MIOS: variants seen among roughly 807,000 people sequenced by gnomAD.
MIOS encodes meiosis regulator for oocyte development, also known as GATOR2 complex protein MIOS.
A neutral mutation model predicts 96.9 loss-of-function variants in MIOS; 52 were observed. That is an observed-to-expected ratio of 0.54 (90% CI 0.43 to 0.68). MIOS has a LOEUF of 0.68. Among genes scored for constraint, MIOS ranks in the 30% least tolerant of loss-of-function variants. MIOS has a pLI of 0.00. For synonymous variants in MIOS, 397 were observed against 359.5 expected (o/e 1.10, Z -1.18); for missense variants, 1,005 against 1,052.8 (o/e 0.95, Z 0.63).
intron 5 of MIOS, among the ~76,000 whole-genome samples, chr7:7,575,629 G>T (rs540772254): frequency 6.6e-6 from 1 of 152,230 alleles, no homozygotes; most frequent in South Asian, 2.1e-4. Flanking sequence ...CTATATAGTA[G>T]ATCAGGCCAC....
intron 9 of MIOS, among the ~76,000 whole-genome samples, chr7:7,593,621 C>T (rs991904189): frequency 6.6e-6 from 1 of 151,928 alleles, no homozygotes; most frequent in Admixed American, 6.6e-5. Flanking sequence ...CGGCCGGGCA[C>T]GGTGACTCAT....
At chr7:7,602,036 AAACT>A (rs1182346220) in intron 11 of MIOS, among the ~76,000 whole-genome samples, 1 of 152,244 alleles carries the variant, frequency 6.6e-6, no homozygotes, top group Non-Finnish European at 1.5e-5. Flanking sequence ...TTCATGCTAA[AAACT>A]CTCAATAAAT....
rs761079245 is a variant in MIOS, at chr7:7,594,972, C to T, written c.2044-8C>T. ...AAACAATTGAAATAATTCATGTTTT[C>T]GTTTTAGGGTTCACCTTTAGATGTT... On this transcript the variant is annotated splice_polypyrimidine_tract_variant and splice_region_variant and intron_variant, in intron 9 of 12. Transcript: ENST00000340080. 2.0e-5 allele frequency: 31 copies of T among 1,574,704 alleles called. No homozygotes were observed. Among genetic ancestry groups the T allele is most frequent in the Middle Eastern group, 1.7e-4 (1 of 5,834 alleles).
intron 8 of MIOS, 41 bp downstream of exon 8, chr7:7,588,604 G>T: frequency 3.9e-6 from 5 of 1,298,288 alleles, no homozygotes; most frequent in Non-Finnish European, 5.4e-6. Flanking sequence ...TAATTAATAT[G>T]TACTGTCACA....
intron 10 of MIOS, 24 bp downstream of exon 10, chr7:7,595,156 A>G: frequency 6.3e-7 from 1 of 1,593,340 alleles, no homozygotes; most frequent in Non-Finnish European, 8.5e-7. Context: ...TTTGGAGAAA[A>G]TCAAATTGTA....
At position 7,608,912 on chromosome 7, in the gene MIOS, A is replaced by G. The variant is rs184343634; in HGVS notation, c.*1820A>G. On this transcript the variant is annotated 3_prime_UTR_variant, in exon 13 of 13. Coordinates refer to ENST00000340080, the MANE Select transcript of MIOS (RefSeq NM_019005.4). ...TTGTATGTATGTGTCAACCTCTTAA[A>G]TGTTTTCTGTGAAGCCCAAACATGC... 7 of 152,194 alleles carry G rather than the reference A, an allele frequency of 4.6e-5. No individual in the cohort carries two copies. The highest frequency in any genetic ancestry group is 3.3e-4 in the Admixed American group (5 of 15,264). 9.4% of individuals were successfully genotyped at this position (152,194 alleles called of 1,614,324 possible). A position where few individuals can be genotyped will look rare whatever the true frequency, so the allele number is the denominator to read the frequency against.
chr7:7,598,838 T>C (rs2115480070), intron 11 of MIOS, among the ~76,000 whole-genome samples: 1 of 152,338 alleles, frequency 6.6e-6, no homozygotes, highest in East Asian at 1.9e-4. Context: ...TTCTTTGTTA[T>C]GATGACTAAT....
chr7:7,606,202 TAAC>T, intron 12 of MIOS, 131 bp downstream of exon 12: 1 of 1,200,126 alleles, frequency 8.3e-7, no homozygotes, highest in East Asian at 2.4e-5. Context: ...TCACTCATGT[TAAC>T]AAAGGTGGTG....
At chr7:7,593,090 T>C (rs1784095855) in intron 9 of MIOS, among the ~76,000 whole-genome samples, 2 of 152,354 alleles carry the variant, frequency 1.3e-5, no homozygotes, top group Admixed American at 6.5e-5. Flanking sequence ...TTGACCAAAT[T>C]CTTACTTAGT....
intron 5 of MIOS, among the ~76,000 whole-genome samples, chr7:7,582,067 A>C (rs568914560): frequency 3.0e-4 from 46 of 152,274 alleles, no homozygotes; most frequent in Non-Finnish European, 4.7e-4. Flanking sequence ...AGTTCTGCCT[A>C]CAACCAACAG....
chr7:7,597,506 ATATATATAT>A (rs1563041072), intron 11 of MIOS, among the ~76,000 whole-genome samples: 2,815 of 62,780 alleles, frequency 0.045, 531 homozygotes, highest in African/African-American at 0.085. Context: ...ATATATATAT[ATATATATAT>A]ATGAAGGCAA....
intron 5 of MIOS, among the ~76,000 whole-genome samples, chr7:7,578,564 T>C (rs1783611241): frequency 6.6e-6 from 1 of 152,106 alleles, no homozygotes; most frequent in African/African-American, 2.4e-5. Context: ...CTATGCAAAA[T>C]GACTTCAAGG....
intron 8 of MIOS, 50 bp downstream of exon 8, chr7:7,588,613 C>T: frequency 8.3e-7 from 1 of 1,200,576 alleles, no homozygotes. Context: ...TGTACTGTCA[C>T]AATTATGTAA....
chr7:7,574,262 G>C, intron 5 of MIOS, 66 bp downstream of exon 5: 2 of 1,184,634 alleles, frequency 1.7e-6, no homozygotes, highest in Non-Finnish European at 2.4e-6. Flanking sequence ...TTTGCCCCCT[G>C]TCATTTGGCA....
At chr7:7,589,201 T>G (rs908060190) in intron 8 of MIOS, among the ~76,000 whole-genome samples, 8 of 152,196 alleles carry the variant, frequency 5.3e-5, no homozygotes, top group Admixed American at 5.2e-4. Flanking sequence ...AATAAATGCC[T>G]TTTTAAAATA....
intron 11 of MIOS, among the ~76,000 whole-genome samples, chr7:7,598,090 T>C (rs1166812237): frequency 6.6e-6 from 1 of 152,252 alleles, no homozygotes; most frequent in Non-Finnish European, 1.5e-5. Flanking sequence ...TTATTCCAGC[T>C]CTTTACCTAA....
Position 7,583,101 on chromosome 7 carries a change from A to C in MIOS, c.1394-17A>C, listed in dbSNP as rs1295211180. The C allele has an allele frequency of 6.3e-7, 1 of 1,593,296 alleles. No homozygotes were observed. Among genetic ancestry groups the C allele is most frequent in the Admixed American group, 1.8e-5 (1 of 56,622 alleles). ...TATTTTGAAATAAAACAATATAAAA[A>C]TGTTTTCTGTTTTTAGGAATGGTGG... On this transcript the variant is annotated splice_polypyrimidine_tract_variant and intron_variant, in intron 5 of 12. Coordinates refer to ENST00000340080, the MANE Select transcript of MIOS (RefSeq NM_019005.4).
intron 7 of MIOS, among the ~76,000 whole-genome samples, chr7:7,587,049 T>C (rs9690858): frequency 0.14 from 20,649 of 149,902 alleles, 1,606 homozygotes; most frequent in East Asian, 0.29. Flanking sequence ...TCTTGCTCTG[T>C]ACCCATACTG....
In MIOS at chr7:7,573,168, G is replaced by A. The variant is rs375431252; in HGVS notation, c.693G>A (p.Thr231=). ...FVNTKAVQGV[T]VDPYFHDRVA... is the part of the protein sequence containing the mutation. ...ATACAAAAGCTGTTCAGGGTGTGACGGTAGACCCATATTTCCACGATCGTG... is the reference window on the plus strand; with the variant it reads ...ATACAAAAGCTGTTCAGGGTGTGACAGTAGACCCATATTTCCACGATCGTG... The change falls in exon 4 of 13, where the codon ACG becomes ACA. Residue 231 remains threonine (T), a synonymous_variant. Transcript: ENST00000340080. This position sits in a 1 kb window ranked among gnomAD's most constrained non-coding sequence, Gnocchi z 5.0. 72 of 1,613,920 alleles carry A rather than the reference G, an allele frequency of 4.5e-5. No homozygotes were observed. Among genetic ancestry groups the A allele is most frequent in the Middle Eastern group, 3.3e-4 (2 of 6,084 alleles).
Sources: allele counts gnomAD v4.1 joint callset (sites outside exome capture counted in the v4.1 genomes callset), GRCh38; gene constraint gnomAD v4.1.1; non-coding constraint Gnocchi (gnomAD v3.1); transcripts MANE v1.5; gene names NCBI Gene and HGNC (gene_info 2026-07-23, HGNC 2026-07-21).